The following SLA variants were observed in gnomAD, a reference collection of about 807,000 sequenced individuals.
The protein encoded by SLA is src-like-adapter.
A neutral mutation model predicts 30.3 loss-of-function variants in SLA; 16 were observed. That is an observed-to-expected ratio of 0.53 (90% CI 0.36 to 0.80). The LOEUF (loss-of-function observed/expected upper bound fraction) is 0.80. Ranked by LOEUF, SLA falls within the 30% of genes least tolerant of loss-of-function variation. The pLI is 0.01. For synonymous variants in SLA, 143 were observed against 137.8 expected (o/e 1.04, Z -0.26); for missense variants, 310 against 345.2 (o/e 0.90, Z 0.81).
At chr8:133,047,734 T>G in intron 6 of SLA, 96 bp downstream of exon 6, 2 of 782,872 alleles carry the variant, frequency 2.6e-6, no homozygotes, top group Non-Finnish European at 4.6e-6. Context: ...TGCATGGACG[T>G]AGGAGGAAGG....
At chr8:133,072,164 G>A (rs1216583527) in intron 2 of SLA, among the ~76,000 whole-genome samples, 2 of 152,184 alleles carry the variant, frequency 1.3e-5, no homozygotes, top group African/African-American at 4.8e-5. Context: ...AGCCCTGGTT[G>A]CAGTCTGCCT....
At chr8:133,059,959 A>G in intron 3 of SLA, 141 bp downstream of exon 3, 1 of 843,030 alleles carries the variant, frequency 1.2e-6, no homozygotes, top group Admixed American at 3.0e-5. Context: ...AACCACAAAC[A>G]AAACTAGAGA....
Position 133,060,166 on chromosome 8 carries a change from T to G in SLA, c.-6A>C. The G allele has an allele frequency of 6.2e-7, 1 of 1,612,876 alleles. No homozygotes were observed. Among genetic ancestry groups the G allele is most frequent in the Non-Finnish European group, 8.5e-7 (1 of 1,179,594 alleles). On this transcript the variant is annotated 5_prime_UTR_variant, in exon 3 of 9. Coordinates refer to ENST00000338087, the MANE Select transcript of SLA (RefSeq NM_001045556.3). ...GATTTCATGCTGTTTCCCATTTCTT[T>G]CTTTTTCCCTGGGGCCGCTGGTGAT... is the stretch of plus-strand genomic sequence containing the variant.
chr8:133,085,395 G>T (rs1846364974), intron 1 of SLA, among the ~76,000 whole-genome samples: 1 of 152,162 alleles, frequency 6.6e-6, no homozygotes, highest in African/African-American at 2.4e-5. Flanking sequence ...TCCAAAAGAT[G>T]CCATGAAGAA....
At chr8:133,081,642 C>T (rs1845767901) in intron 1 of SLA, among the ~76,000 whole-genome samples, 1 of 152,212 alleles carries the variant, frequency 6.6e-6, no homozygotes, top group African/African-American at 2.4e-5. Flanking sequence ...CGAAGAGCTG[C>T]ACAGATATGT....
At chr8:133,089,855 C>T (rs1300103496) in intron 1 of SLA, 3 of 152,238 alleles carry the variant, frequency 2.0e-5, no homozygotes, top group Non-Finnish European at 2.9e-5. Flanking sequence ...CCCTGTTCCT[C>T]CCATTTATTT....
chr8:133,074,364 G>A (rs960501400), intron 2 of SLA, among the ~76,000 whole-genome samples: 5 of 152,086 alleles, frequency 3.3e-5, no homozygotes, highest in Admixed American at 6.5e-5. Context: ...GCCTGATAGC[G>A]TTTACTGAGC....
chr8:133,072,263 G>C (rs977101359), intron 2 of SLA, among the ~76,000 whole-genome samples: 1 of 152,200 alleles, frequency 6.6e-6, no homozygotes, highest in Non-Finnish European at 1.5e-5. Context: ...TGCTGTCTTA[G>C]CTAGAATTAC....
intron 7 of SLA, 68 bp from the exon 8 acceptor site, chr8:133,040,198 TGA>T: frequency 6.6e-7 from 1 of 1,515,524 alleles, no homozygotes; most frequent in Non-Finnish European, 8.9e-7. Context: ...GGTTCAGGCC[TGA>T]GACACTCTCC....
At chr8:133,095,260 T>C in intron 1 of SLA, 1 of 1,613,522 alleles carries the variant, frequency 6.2e-7, no homozygotes, top group African/African-American at 1.3e-5. Context: ...CTTTTACAAA[T>C]AGAAAATGAA....
intron 1 of SLA, among the ~76,000 whole-genome samples, chr8:133,084,474 G>A (rs1180391106): frequency 1.3e-5 from 2 of 152,134 alleles, no homozygotes; most frequent in African/African-American, 4.8e-5. Context: ...CCATTGCCTC[G>A]GCTATCACTC....
At chr8:133,043,820 C>T (rs1283484599) in intron 7 of SLA, among the ~76,000 whole-genome samples, 4 of 152,174 alleles carry the variant, frequency 2.6e-5, no homozygotes, top group Non-Finnish European at 5.9e-5. Context: ...ACAAAGTTGC[C>T]CCAGTGTGTG....
Position 133,095,349 on chromosome 8 carries a change from C to G in SLA, c.-319+7204G>C, listed in dbSNP as rs1023861129. 5 of 1,159,684 alleles carry G rather than the reference C, an allele frequency of 4.3e-6. 1 individual carries two copies. In the Admixed American group the frequency reaches 9.4e-5, roughly 22 times the overall value. The allele number at this position is 1,159,684 out of a possible 1,614,324, so 71.8% of individuals were successfully genotyped here. ...ACCAACTGGAGCTGGAACTCACATT[C>G]CCTAGCCCCTAGAGCTGTGCATGCG... is the stretch of plus-strand genomic sequence containing the variant. On this transcript the variant is annotated intron_variant, in intron 1 of 8. Transcript: ENST00000338087.
chr8:133,069,733 G>A (rs1397506127), intron 2 of SLA, among the ~76,000 whole-genome samples: 1 of 152,132 alleles, frequency 6.6e-6, no homozygotes, highest in Non-Finnish European at 1.5e-5. Context: ...AGGTGTGGTG[G>A]CTCATGCCTA....
At chr8:133,101,970 T>C (rs1849315286) in intron 1 of SLA, among the ~76,000 whole-genome samples, 1 of 152,250 alleles carries the variant, frequency 6.6e-6, no homozygotes, top group South Asian at 2.1e-4. Flanking sequence ...ACCCAGAGTC[T>C]GAGCCTCAGT....
intron 1 of SLA, among the ~76,000 whole-genome samples, chr8:133,085,809 G>A (rs934737627): frequency 6.6e-6 from 1 of 152,156 alleles, no homozygotes; most frequent in Non-Finnish European, 1.5e-5. Context: ...AAACAGTTTG[G>A]CAACTTCTCA....
chr8:133,102,447 G>A lies in SLA; in HGVS notation c.-319+106C>T, dbSNP rs112950684. On this transcript the variant is annotated intron_variant, in intron 1 of 8. Transcript: ENST00000338087. ...TTCTTCAGACCAAAGACGGAGGGTG[G>A]GTACAGGATCCATCAAGTCCCTCTG... The A allele has an allele frequency of 1.7e-4, 164 of 964,886 alleles. No homozygotes were observed. The Middle Eastern group carries it at 5.7e-3, about 33-fold the overall frequency. The allele number at this position is 964,886 out of a possible 1,614,324, so 59.8% of individuals were successfully genotyped here.
chr8:133,049,718 A>G, intron 5 of SLA, 184 bp downstream of exon 5: 3 of 588,612 alleles, frequency 5.1e-6, no homozygotes, highest in Non-Finnish European at 9.2e-6. Flanking sequence ...TGAGTCCCAG[A>G]GAGCAGAAGA....
intron 1 of SLA, among the ~76,000 whole-genome samples, chr8:133,077,190 C>T (rs1252371483): frequency 1.6e-4 from 25 of 152,156 alleles, no homozygotes; most frequent in Non-Finnish European, 1.5e-5. Context: ...GCTGGTTTCA[C>T]ACAAGCTTTA....
Sources: gnomAD v4.1 joint callset for allele counts (sites outside exome capture counted in the v4.1 genomes callset) on GRCh38, gnomAD v4.1.1 for gene constraint, MANE v1.5 for transcripts, NCBI Gene and HGNC (gene_info 2026-07-23, HGNC 2026-07-21) for gene names.